Variants in CYP11B2 observed in about 807,000 individuals in gnomAD.
CYP11B2 encodes the protein cytochrome P450 11B2, mitochondrial.
CYP11B2 carries 38 observed loss-of-function variants against 49.3 expected under a neutral mutation model. The ratio of observed to expected loss-of-function variants is 0.77; its 90% CI spans 0.59 to 1.01. The LOEUF (loss-of-function observed/expected upper bound fraction) is 1.01, where lower values mean the gene tolerates loss of function less well. Ranked by LOEUF, CYP11B2 falls within the 50% of genes least tolerant of loss-of-function variation. The pLI, the probability that CYP11B2 is intolerant of heterozygous loss-of-function variation, is 0.00. For missense variants in CYP11B2, 669 were observed against 655.5 expected (o/e 1.02, Z -0.23); for synonymous variants, 290 against 269.3 (o/e 1.08, Z -0.75).
chr8:142,912,767 G>A (rs745827067), intron 7 of CYP11B2, 40 bp from the exon 8 acceptor site: 4 of 1,613,574 alleles, frequency 2.5e-6, no homozygotes, highest in Non-Finnish European at 3.4e-6. Flanking sequence ...AATGACTGGG[G>A]AGGGAGGTTC....
rs192165138 is a variant in CYP11B2 at position 142,911,545 on chromosome 8, C to T, written c.*435G>A. 39 of 201,746 alleles carry T rather than the reference C, an allele frequency of 1.9e-4. No individual in the cohort carries two copies. Among genetic ancestry groups the T allele is most frequent in the African/African-American group, 8.7e-4 (38 of 43,654 alleles). The allele number at this position is 201,746 out of a possible 1,614,324, so 12.5% of individuals were successfully genotyped here. ...ACTGGACTCTGAGATGCTGGGATCC[C>T]GCTTAATGACTCTGACACTGTCTGC... On this transcript the variant is annotated 3_prime_UTR_variant, in exon 9 of 9. Coordinates refer to ENST00000323110, the MANE Select transcript of CYP11B2 (RefSeq NM_000498.3).
chr8:142,914,728 G>A lies in CYP11B2; in HGVS notation c.776C>T (p.Ala259Val), dbSNP rs1381134958. The A allele has an allele frequency of 1.9e-6, 3 of 1,611,776 alleles. No individual in the cohort carries two copies. The Admixed American group carries it at 5.0e-5, about 27-fold the overall frequency. ...SPKVWKEHFE[A>V]WDCIFQYGDN... is the part of the protein sequence containing the mutation. ...ACCGTACTGGAAGATGCAGTCCCAG[G>A]CCTCAAAGTGCTCCTTCCACACCTT... The change falls in exon 4 of 9, where the codon GCC (alanine) becomes GTC (valine). Residue 259 changes from alanine to valine, a missense_variant. Transcript: ENST00000323110.
rs1311906091 is a variant in CYP11B2 at position 142,911,649 on chromosome 8, C to T, written c.*331G>A. On this transcript the variant is annotated 3_prime_UTR_variant, in exon 9 of 9. Coordinates refer to ENST00000323110, the MANE Select transcript of CYP11B2 (RefSeq NM_000498.3). ...AGGCAAGGGACAAAATCACAGCACCCTTGCATGGCCTCATGAGGAGCCTGG... is the reference window on the plus strand; with the variant it reads ...AGGCAAGGGACAAAATCACAGCACCTTTGCATGGCCTCATGAGGAGCCTGG... 3 of 379,156 alleles carry T rather than the reference C, an allele frequency of 7.9e-6. No individual in the cohort carries two copies. Among genetic ancestry groups the T allele is most frequent in the Non-Finnish European group, 1.5e-5 (3 of 201,950 alleles). The allele number at this position is 379,156 out of a possible 1,614,324, so 23.5% of individuals were successfully genotyped here. A position where few individuals can be genotyped will look rare whatever the true frequency, so the allele number is the denominator to read the frequency against.
rs1817534254 is a variant in CYP11B2, at chr8:142,911,488, C to T, written c.*492G>A. On this transcript the variant is annotated 3_prime_UTR_variant, in exon 9 of 9. Coordinates refer to ENST00000323110, the MANE Select transcript of CYP11B2 (RefSeq NM_000498.3). ...TCAGAGAGCTCAGGGCATGCTCGAG[C>T]TGCCTGGGGTCAGGCTGCAGGAGGG... 3 of 188,172 alleles carry T rather than the reference C, an allele frequency of 1.6e-5. No individual in the cohort carries two copies. Among genetic ancestry groups the T allele is most frequent in the Non-Finnish European group, 3.4e-5 (3 of 89,496 alleles). The allele number at this position is 188,172 out of a possible 1,614,324, so 11.7% of individuals were successfully genotyped here. A position where few individuals can be genotyped will look rare whatever the true frequency, so the allele number is the denominator to read the frequency against.
chr8:142,914,189 G>A (rs1276431900), intron 5 of CYP11B2, 75 bp downstream of exon 5: 1 of 1,551,454 alleles, frequency 6.4e-7, no homozygotes, highest in Non-Finnish European at 8.9e-7. Context: ...TGGGTGCCGT[G>A]TGGCATTGGC....
chr8:142,914,399 T>C lies in CYP11B2; in HGVS notation c.819A>G (p.Lys273=). ...IFQYGDNCIQ[K]IYQELAFNRP... is the part of the protein sequence containing the mutation. ...GGTTGAAGGCCAGTTCCTGGTAGAT[T>C]TTCTGGATACAGTTGTCACCTGTCC... The change falls in exon 5 of 9, where the codon AAA becomes AAG. Residue 273 remains lysine, a synonymous_variant. Transcript: ENST00000323110. 6.2e-7 allele frequency: 1 copy of C among 1,613,280 alleles called. No homozygotes were observed. Among genetic ancestry groups the C allele is most frequent in the East Asian group, 2.2e-5 (1 of 44,856 alleles).
At chr8:142,912,425 C>A in intron 8 of CYP11B2, 105 bp downstream of exon 8, 1 of 1,270,568 alleles carries the variant, frequency 7.9e-7, no homozygotes, top group Non-Finnish European at 1.1e-6. Context: ...ACCAAGGCCC[C>A]ATCCACTGTT....
rs370056488 is a variant in CYP11B2, at chr8:142,917,717, G to T, written c.124C>A (p.Pro42Thr). 1.9e-6 allele frequency: 3 copies of T among 1,614,230 alleles called. No individual in the cohort carries two copies. In the East Asian group the frequency reaches 6.7e-5, roughly 36 times the overall value. ...AGCCACCTGTTGCCTGGATGCTGGG[G>T]CATGGCTTCAAACGGCAGCACCGTC... is the stretch of plus-strand genomic sequence containing the variant. ...PRTVLPFEAM[P>T]QHPGNRWLRL... Residue 42 changes from proline to threonine, a missense_variant, in exon 1 of 9, where the codon CCC (proline) becomes ACC (threonine). Transcript: ENST00000323110.
rs754734494 is a variant in CYP11B2, at chr8:142,913,337, T to C, written c.1069A>G (p.Lys357Glu). The C allele has an allele frequency of 9.3e-6, 15 of 1,613,828 alleles. No individual in the cohort carries two copies. The South Asian group carries it at 1.4e-4, about 15-fold the overall frequency. ...AGCAAGGGCAGCTCGGTGGTTGCCT[T>C]CTGGGGATGTTCACTGATGCTGGCT... ...AAASISEHPQ[K>E]ATTELPLLRA... Residue 357 changes from lysine (K) to glutamate (E), a missense_variant, in exon 6 of 9, where the codon AAG becomes GAG. Coordinates refer to ENST00000323110, the MANE Select transcript of CYP11B2 (RefSeq NM_000498.3).
chr8:142,915,317 C>T (rs1395251702), intron 2 of CYP11B2, 72 bp from the exon 3 acceptor site: 68 of 1,370,926 alleles, frequency 5.0e-5, no homozygotes, highest in Non-Finnish European at 6.7e-5. Context: ...TCCCATCCTC[C>T]TTGTCCCCAA....
intron 2 of CYP11B2, chr8:142,916,422 G>A (rs989070104): frequency 5.3e-5 from 24 of 456,542 alleles, no homozygotes; most frequent in African/African-American, 1.6e-4. Flanking sequence ...GCAGGTGACC[G>A]ACTCCAAGCA....
intron 3 of CYP11B2, 32 bp from the exon 4 acceptor site, chr8:142,914,940 C>G (rs1430783009): frequency 1.2e-6 from 2 of 1,610,388 alleles, no homozygotes; most frequent in Admixed American, 3.4e-5. Context: ...GAGCACAAGG[C>G]AGCCCCAGGC....
rs547842442 is a variant in CYP11B2, at chr8:142,914,791, A to G, written c.713T>C (p.Met238Thr). ...GCGAGACAGGCTCCTGGGCATGAAC[A>G]TGAGCTGGACGGTGGATTTGAACAT... ...EVMFKSTVQL[M>T]FMPRSLSRWI... Residue 238 changes from methionine to threonine, a missense_variant, in exon 4 of 9, where the codon ATG (methionine) becomes ACG (threonine). Physicochemically the swap from Met to Thr is moderately conservative, Grantham distance 81. Transcript: ENST00000323110. 22 of 1,613,628 alleles carry G rather than the reference A, an allele frequency of 1.4e-5. No homozygotes were observed. The South Asian group carries it at 1.5e-4, about 11-fold the overall frequency.
Position 142,917,692 on chromosome 8 carries a change from AGCCACCTGTT to A in CYP11B2, c.139_148del (p.Asn47Ter), listed in dbSNP as rs63748989. The A allele has an allele frequency of 2.3e-5, 37 of 1,614,116 alleles. No homozygotes were observed. The highest frequency in any genetic ancestry group is 3.1e-5 in the Non-Finnish European group (37 of 1,180,034). ...CTCCCTCCAGATCTGCAGCAGCCTC[AGCCACCTGTT>A]GCCTGGATGCTGGGGCATGGCTTCA... On this transcript the variant is annotated frameshift_variant, in exon 1 of 9. Coordinates refer to ENST00000323110, the MANE Select transcript of CYP11B2 (RefSeq NM_000498.3). LOFTEE classifies it high-confidence loss of function.
At position 142,912,586 on chromosome 8, in the gene CYP11B2, G is replaced by T. The variant is rs376248857; in HGVS notation, c.1342C>A (p.Arg448Ser). The T allele has an allele frequency of 3.1e-6, 5 of 1,614,040 alleles. No individual in the cohort carries two copies. The highest frequency in any genetic ancestry group is 1.7e-5 in the Admixed American group (1 of 60,002). Reference protein sequence around the residue: ...FHHVPFGFGMRQCLGRRLAEA... With the variant: ...FHHVPFGFGMSQCLGRRLAEA... Reference sequence around the variant, plus strand: ...GCCAGGCGCCGCCCGAGGCACTGGCGCATGCCAAAGCCAAAGGGCACGTGG... The same window carrying T: ...GCCAGGCGCCGCCCGAGGCACTGGCTCATGCCAAAGCCAAAGGGCACGTGG... The change falls in exon 8 of 9, where the codon CGC (arginine) becomes AGC (serine). Residue 448 changes from arginine to serine, a missense_variant. By Grantham distance (110) the Arg-to-Ser change is moderately radical (BLOSUM62 -1). Coordinates refer to ENST00000323110, the MANE Select transcript of CYP11B2 (RefSeq NM_000498.3).
chr8:142,914,722 T>C lies in CYP11B2; in HGVS notation c.782A>G (p.Asp261Gly). ...KVWKEHFEAW[D>G]CIFQYGDNCI... ...GGCCTCACCGTACTGGAAGATGCAGTCCCAGGCCTCAAAGTGCTCCTTCCA... is the reference window on the plus strand; with the variant it reads ...GGCCTCACCGTACTGGAAGATGCAGCCCCAGGCCTCAAAGTGCTCCTTCCA... The change falls in exon 4 of 9, where the codon GAC (aspartate) becomes GGC (glycine). Residue 261 changes from aspartate (D) to glycine (G), a missense_variant. By Grantham distance (94) the Asp-to-Gly change is moderately conservative. Transcript: ENST00000323110. The C allele has an allele frequency of 6.2e-7, 1 of 1,610,808 alleles. No homozygotes were observed. Among genetic ancestry groups the C allele is most frequent in the Non-Finnish European group, 8.5e-7 (1 of 1,178,882 alleles).
At chr8:142,912,478 C>T (rs1416843519) in intron 8 of CYP11B2, 52 bp downstream of exon 8, 2 of 1,576,208 alleles carry the variant, frequency 1.3e-6, no homozygotes, top group Admixed American at 1.7e-5. Flanking sequence ...CCCCAGTGTG[C>T]AGGTCCCGCC....
Position 142,915,199 on chromosome 8 carries a change from C to T in CYP11B2, c.442G>A (p.Val148Met), listed in dbSNP as rs774414059. ...RFNRLRLNPDVLSPKAVQRFL... is the reference protein window; with the variant it reads ...RFNRLRLNPDMLSPKAVQRFL... ...CTCTGCACGGCCTTGGGCGACAGCA[C>T]ATCTGGGTTCAGCCGCAATCGGTTG... is the stretch of plus-strand genomic sequence containing the variant. The change falls in exon 3 of 9, where the codon GTG (valine) becomes ATG (methionine). Residue 148 changes from valine to methionine, a missense_variant. Val to Met is a conservative substitution (Grantham distance 21). Coordinates refer to ENST00000323110, the MANE Select transcript of CYP11B2 (RefSeq NM_000498.3). The T allele has an allele frequency of 2.5e-6, 4 of 1,614,082 alleles. No individual in the cohort carries two copies. In the South Asian group the frequency reaches 3.3e-5, roughly 13 times the overall value.
Position 142,917,079 on chromosome 8 carries a change from G to A in CYP11B2, c.375C>T (p.His125=). The A allele has an allele frequency of 6.2e-7, 1 of 1,614,126 alleles. No individual in the cohort carries two copies. Among genetic ancestry groups the A allele is most frequent in the Non-Finnish European group, 8.5e-7 (1 of 1,180,028 alleles). ...CTTACAACAAGAACACGCCACATTTGTGCCCACGATGTTGTCTGTAGGCCA... is the reference window on the plus strand; with the variant it reads ...CTTACAACAAGAACACGCCACATTTATGCCCACGATGTTGTCTGTAGGCCA... ...PWVAYRQHRG[H]KCGVFLLNGP... Residue 125 remains histidine (H), a synonymous_variant, in exon 2 of 9, where the codon CAC becomes CAT. Coordinates refer to ENST00000323110, the MANE Select transcript of CYP11B2 (RefSeq NM_000498.3).
Sources: gnomAD v4.1 joint callset for allele counts on GRCh38, gnomAD v4.1.1 for gene constraint, MANE v1.5 for transcripts, NCBI Gene and HGNC (gene_info 2026-07-23, HGNC 2026-07-21) for gene names.